Variants in KCTD16 observed in about 807,000 individuals in gnomAD.
KCTD16 encodes the protein potassium channel tetramerization domain containing 16.
KCTD16 carries 13 observed loss-of-function variants against 33.2 expected under a neutral mutation model. The ratio of observed to expected loss-of-function variants is 0.39; its 90% confidence interval spans 0.25 to 0.62. The LOEUF is 0.62. Ranked by LOEUF, KCTD16 falls within the 20% of genes least tolerant of loss-of-function variation. KCTD16 has a pLI of 0.50. For missense variants in KCTD16, 441 were observed against 525.1 expected (o/e 0.84, Z 1.57); for synonymous variants, 197 against 195.3 (o/e 1.01, Z -0.07).
intron 3 of KCTD16, among the ~76,000 whole-genome samples, chr5:144,324,596 C>T (rs1580873305): frequency 6.6e-6 from 1 of 152,122 alleles, no homozygotes; most frequent in African/African-American, 2.4e-5. Flanking sequence ...AAGGAATATA[C>T]ATCATTCTAT....
chr5:144,450,486 T>C (rs1753916937), intron 3 of KCTD16, among the ~76,000 whole-genome samples: 1 of 152,120 alleles, frequency 6.6e-6, no homozygotes, highest in African/African-American at 2.4e-5. Flanking sequence ...CTCAAAGAGA[T>C]ATCTGCACTC....
At chr5:144,344,535 G>T (rs912744225) in intron 3 of KCTD16, among the ~76,000 whole-genome samples, 6 of 151,654 alleles carry the variant, frequency 4.0e-5, no homozygotes, top group Admixed American at 6.6e-5. Context: ...CCATCAAAAA[G>T]TGGGCAAAGG....
intron 3 of KCTD16, among the ~76,000 whole-genome samples, chr5:144,403,637 A>G (rs571288752): frequency 2.6e-5 from 4 of 152,218 alleles, no homozygotes; most frequent in Admixed American, 6.5e-5. Context: ...TATTGTCTTA[A>G]GCCACCAGTT....
intron 3 of KCTD16, among the ~76,000 whole-genome samples, chr5:144,280,788 G>A (rs1393284874): frequency 6.6e-6 from 1 of 152,086 alleles, no homozygotes; most frequent in Non-Finnish European, 1.5e-5. Context: ...TTAGCTGGGC[G>A]TGATGGTGGG....
chr5:144,262,373 A>C (rs1387247463), intron 3 of KCTD16, among the ~76,000 whole-genome samples: 1 of 152,224 alleles, frequency 6.6e-6, no homozygotes, highest in African/African-American at 2.4e-5. Flanking sequence ...CTATGGGACA[A>C]GGTATATAAT....
chr5:144,347,265 AC>A (rs1312267212), intron 3 of KCTD16, among the ~76,000 whole-genome samples: 3 of 152,212 alleles, frequency 2.0e-5, no homozygotes, highest in African/African-American at 7.2e-5. Context: ...GTATTGGACA[AC>A]ACAGTTTGGT....
At chr5:144,379,110 T>C (rs1252962435) in intron 3 of KCTD16, among the ~76,000 whole-genome samples, 7 of 152,172 alleles carry the variant, frequency 4.6e-5, no homozygotes, top group Admixed American at 4.6e-4. Flanking sequence ...AGTAGATTCT[T>C]TTTATTATGA....
chr5:144,386,070 G>T (rs1752317173), intron 3 of KCTD16, among the ~76,000 whole-genome samples: 1 of 152,156 alleles, frequency 6.6e-6, no homozygotes, highest in Admixed American at 6.5e-5. Context: ...TTCCAGAAAT[G>T]TGTAAAGACA....
chr5:144,354,076 A>G (rs1751513730), intron 3 of KCTD16, among the ~76,000 whole-genome samples: 1 of 152,186 alleles, frequency 6.6e-6, no homozygotes, highest in African/African-American at 2.4e-5. Flanking sequence ...AAATCAACTT[A>G]TAATTGAGAA....
intron 3 of KCTD16, among the ~76,000 whole-genome samples, chr5:144,341,043 CTCAAAAAAACAA>C (rs1274852902): frequency 6.6e-6 from 1 of 151,964 alleles, no homozygotes; most frequent in Non-Finnish European, 1.5e-5. Flanking sequence ...AAAACTCTGT[CTCAAAAAAACAA>C]ACAAAAAAAC....
At chr5:144,393,146 T>C (rs1752488703) in intron 3 of KCTD16, among the ~76,000 whole-genome samples, 1 of 152,194 alleles carries the variant, frequency 6.6e-6, no homozygotes, top group African/African-American at 2.4e-5. Flanking sequence ...CTGAATTCTG[T>C]TGGTAGAACT....
intron 3 of KCTD16, among the ~76,000 whole-genome samples, chr5:144,398,350 TAC>T (rs1315558108): frequency 1.3e-5 from 2 of 152,200 alleles, no homozygotes. Context: ...GTTATTATTA[TAC>T]ACACATACTA....
chr5:144,274,527 C>G (rs1561550217), intron 3 of KCTD16, among the ~76,000 whole-genome samples: 1 of 152,094 alleles, frequency 6.6e-6, no homozygotes, highest in Admixed American at 6.6e-5. Flanking sequence ...TCTCCAGAAT[C>G]CTGAAAAACA....
chr5:144,244,854 G>A (rs1255633971), intron 3 of KCTD16, among the ~76,000 whole-genome samples: 1 of 152,130 alleles, frequency 6.6e-6, no homozygotes, highest in Non-Finnish European at 1.5e-5. Context: ...CTCCTAGGAT[G>A]GTTTTGAGAA....
Position 144,336,975 on chromosome 5 carries a change from C to CAT in KCTD16, c.832+129442_832+129443dup, listed in dbSNP as rs538225692. ...GTTCATATTCATACATAATTGTAGTCATATATATATATATTTAATATATAT... is the reference window on the plus strand; with the variant it reads ...GTTCATATTCATACATAATTGTAGTCATATATATATATATATTTAATATATAT... On this transcript the variant is annotated intron_variant, in intron 3 of 3. Coordinates refer to ENST00000512467, the MANE Select transcript of KCTD16 (RefSeq NM_020768.4). 2.5e-3 allele frequency among the ~76,000 whole-genome samples: 369 copies of CAT among 149,734 alleles called. 4 individuals are homozygous for CAT. In the South Asian group the frequency reaches 0.025, roughly 10 times the overall value.
At chr5:144,323,365 A>G (rs1225479892) in intron 3 of KCTD16, among the ~76,000 whole-genome samples, 1 of 152,192 alleles carries the variant, frequency 6.6e-6, no homozygotes, top group Non-Finnish European at 1.5e-5. Context: ...ATAAATGTGC[A>G]AGTTTCATTA....
At chr5:144,431,424 T>G (rs948204712) in intron 3 of KCTD16, among the ~76,000 whole-genome samples, 1 of 152,198 alleles carries the variant, frequency 6.6e-6, no homozygotes, top group African/African-American at 2.4e-5. Flanking sequence ...GCTGTAGTGC[T>G]TTTCATATTC....
At chr5:144,471,269 A>G (rs6580321) in intron 3 of KCTD16, among the ~76,000 whole-genome samples, 127,436 of 152,162 alleles carry the variant, frequency 0.84, 54,017 homozygotes, top group East Asian at 0.98. Context: ...TGAATGAAAT[A>G]AGCTTACCAT....
intron 3 of KCTD16, among the ~76,000 whole-genome samples, chr5:144,437,856 G>C (rs1304014640): frequency 6.6e-6 from 1 of 152,140 alleles, no homozygotes. Context: ...GGCAGACTTT[G>C]CTGGGAAAAG....
Sources: allele counts gnomAD v4.1 joint callset (sites outside exome capture counted in the v4.1 genomes callset), GRCh38; gene constraint gnomAD v4.1.1; transcripts MANE v1.5; gene names NCBI Gene and HGNC (gene_info 2026-07-23, HGNC 2026-07-21).